Variants in LMBR1 observed in about 807,000 individuals in gnomAD.
LMBR1 encodes limb region 1 protein homolog.
In LMBR1, 52 loss-of-function variants were observed where a neutral mutation model predicts 73.9. The ratio of observed to expected loss-of-function variants is 0.70; its 90% CI spans 0.56 to 0.89. The LOEUF (loss-of-function observed/expected upper bound fraction) is 0.89. LMBR1 is among the 40% of genes least tolerant of loss of function. The probability of loss-of-function intolerance (pLI) is 0.00; values close to 1 mark genes in which losing one functional copy is unlikely to be tolerated. For missense variants in LMBR1, 539 were observed against 579.8 expected, an observed-to-expected ratio of 0.93 and a Z score of 0.72; for synonymous variants, 215 against 209.4, an observed-to-expected ratio of 1.03 and a Z score of -0.23.
downstream of LMBR1, chr7:156,676,704 T>C: frequency 1.4e-6 from 2 of 1,411,016 alleles, no homozygotes; most frequent in Non-Finnish European, 2.0e-6. Context: ...AAGTTTACCA[T>C]CATTTTGGAT....
chr7:156,744,068 A>G (rs1378940606), intron 9 of LMBR1, among the ~76,000 whole-genome samples: 1 of 152,186 alleles, frequency 6.6e-6, no homozygotes, highest in Admixed American at 6.5e-5. Flanking sequence ...CTTTGGGAAT[A>G]TATGAATTTT....
chr7:156,799,139 T>C (rs532438682), intron 4 of LMBR1, among the ~76,000 whole-genome samples: 12 of 151,694 alleles, frequency 7.9e-5, no homozygotes, highest in African/African-American at 2.4e-4. Context: ...CAGGCAGAGG[T>C]TGCAGTGAGC....
intron 9 of LMBR1, among the ~76,000 whole-genome samples, chr7:156,735,194 C>T (rs1227002030): frequency 1.3e-5 from 2 of 152,106 alleles, no homozygotes; most frequent in Non-Finnish European, 2.9e-5. Context: ...GGTTACTTCC[C>T]CCAAATATTG....
At chr7:156,725,926 G>C (rs1815657173) in intron 12 of LMBR1, 89 bp from the exon 13 acceptor site, 1 of 955,866 alleles carries the variant, frequency 1.0e-6, no homozygotes, top group South Asian at 1.6e-5. Flanking sequence ...TAAGACAGTT[G>C]AAATTATGAA....
intron 1 of LMBR1, among the ~76,000 whole-genome samples, chr7:156,851,192 A>C (rs1183434847): frequency 6.6e-6 from 1 of 152,226 alleles, no homozygotes; most frequent in Non-Finnish European, 1.5e-5. Context: ...CCTTTACAGC[A>C]ACGCAAAATG....
intron 8 of LMBR1, among the ~76,000 whole-genome samples, 193 bp from the exon 9 acceptor site, chr7:156,756,658 A>G (rs1473452239): frequency 6.6e-6 from 1 of 152,236 alleles, no homozygotes; most frequent in African/African-American, 2.4e-5. Flanking sequence ...CAAACACATC[A>G]AAAGTTATCA....
At chr7:156,766,135 C>G (rs61515760) in intron 5 of LMBR1, among the ~76,000 whole-genome samples, 1 of 151,920 alleles carries the variant, frequency 6.6e-6, no homozygotes, top group South Asian at 2.1e-4. Flanking sequence ...CTCCACGGCG[C>G]TCTCACATTT....
chr7:156,729,174 C>T (rs1816360532), intron 10 of LMBR1, among the ~76,000 whole-genome samples: 1 of 152,100 alleles, frequency 6.6e-6, no homozygotes, highest in South Asian at 2.1e-4. Flanking sequence ...CAGTTTGCTA[C>T]ATTAAACACC....
chr7:156,878,036 A>G (rs1177341314), intron 1 of LMBR1, among the ~76,000 whole-genome samples: 1 of 152,206 alleles, frequency 6.6e-6, no homozygotes, highest in Non-Finnish European at 1.5e-5. Flanking sequence ...CAAAATCTAC[A>G]TACAAGGGAC....
chr7:156,850,078 CTT>C (rs1554552236), intron 1 of LMBR1, among the ~76,000 whole-genome samples: 5 of 152,192 alleles, frequency 3.3e-5, no homozygotes, highest in Non-Finnish European at 1.5e-5. Context: ...GTATTTGAAA[CTT>C]AATTCCCAAT....
chr7:156,765,348 C>T (rs998480216), intron 5 of LMBR1, among the ~76,000 whole-genome samples: 2 of 152,108 alleles, frequency 1.3e-5, no homozygotes, highest in South Asian at 2.1e-4. Context: ...GTTTTATAAG[C>T]GTCTGGCATG....
rs1022982957 is a variant in LMBR1 at position 156,880,962 on chromosome 7, AT to A, written c.66+11965del. On this transcript the variant is annotated intron_variant, in intron 1 of 16. Transcript: ENST00000353442. ...GCCACCACGCCCAACCCCCAGTGGC[AT>A]TTTTTTTTAACAGAAATAGAAAAAA... is the stretch of plus-strand genomic sequence containing the variant. Among the ~76,000 whole-genome samples the A allele has an allele frequency of 7.3e-5, 11 of 151,702 alleles. No homozygotes were observed. In the East Asian group the frequency reaches 9.7e-4, roughly 13 times the overall value.
chr7:156,766,577 G>A (rs1473386303), intron 5 of LMBR1, among the ~76,000 whole-genome samples: 1 of 152,152 alleles, frequency 6.6e-6, no homozygotes, highest in Non-Finnish European at 1.5e-5. Context: ...TGGCAACAAG[G>A]ATAGGGGACT....
intron 1 of LMBR1, among the ~76,000 whole-genome samples, chr7:156,871,197 A>G (rs1018377130): frequency 6.6e-6 from 1 of 152,210 alleles, no homozygotes; most frequent in Non-Finnish European, 1.5e-5. Flanking sequence ...AGAAGAAATG[A>G]ATAAATTCCT....
chr7:156,860,302 A>G (rs954768709), intron 1 of LMBR1, among the ~76,000 whole-genome samples: 1 of 152,206 alleles, frequency 6.6e-6, no homozygotes, highest in African/African-American at 2.4e-5. Context: ...ACAGGCAAAG[A>G]GAAGAGTTTG....
At chr7:156,799,476 C>T (rs561072047) in intron 4 of LMBR1, among the ~76,000 whole-genome samples, 1 of 152,298 alleles carries the variant, frequency 6.6e-6, no homozygotes, top group African/African-American at 2.4e-5. Flanking sequence ...TTTGGGGGCG[C>T]TGCAAATTGT....
At chr7:156,890,947 T>C (rs1195411178) in intron 1 of LMBR1, among the ~76,000 whole-genome samples, 1 of 151,850 alleles carries the variant, frequency 6.6e-6, no homozygotes, top group East Asian at 1.9e-4. Flanking sequence ...TCCCAGCACT[T>C]TGGGAGGCCA....
At chr7:156,785,255 T>A (rs1001475592) in intron 5 of LMBR1, among the ~76,000 whole-genome samples, 1 of 152,092 alleles carries the variant, frequency 6.6e-6, no homozygotes, top group Non-Finnish European at 1.5e-5. Flanking sequence ...CCAGCCTGGA[T>A]GACAGAGCAA....
intron 1 of LMBR1, among the ~76,000 whole-genome samples, chr7:156,885,005 T>A (rs1433432646): frequency 6.6e-6 from 1 of 152,186 alleles, no homozygotes; most frequent in African/African-American, 2.4e-5. Context: ...CACCTCCCAT[T>A]TGGCCTAAAA....
Sources: gnomAD v4.1 joint callset for allele counts (sites outside exome capture counted in the v4.1 genomes callset) on GRCh38, gnomAD v4.1.1 for gene constraint, MANE v1.5 for transcripts, NCBI Gene and HGNC (gene_info 2026-07-23, HGNC 2026-07-21) for gene names.